Variants in UGT3A2 observed in about 807,000 individuals in gnomAD.
The protein encoded by UGT3A2 is UDP glycosyltransferase family 3 member A2.
Under a neutral mutation model 39.8 loss-of-function variants are expected in UGT3A2, and 32 were observed. The ratio of observed to expected loss-of-function variants is 0.80; its 90% CI spans 0.61 to 1.08. The LOEUF is 1.08. Among genes scored for constraint, UGT3A2 ranks in the 50% least tolerant of loss-of-function variants. The pLI is 0.00. For missense variants in UGT3A2, 611 were observed against 637.1 expected (o/e 0.96, Z 0.44); for synonymous variants, 241 against 230.7 (o/e 1.04, Z -0.40).
chr5:36,059,435 C>T (rs1032386510), intron 2 of UGT3A2, among the ~76,000 whole-genome samples: 1 of 140,460 alleles, frequency 7.1e-6, no homozygotes, highest in Non-Finnish European at 1.5e-5. Flanking sequence ...GAATTTTTTG[C>T]CCCACCTATA....
intron 2 of UGT3A2, among the ~76,000 whole-genome samples, chr5:36,055,471 A>G (rs1469564491): frequency 1.3e-5 from 2 of 152,076 alleles, no homozygotes; most frequent in Admixed American, 1.3e-4. Flanking sequence ...ACCTCAGGTG[A>G]TCCGCCTGCA....
chr5:36,035,827 A>G lies in UGT3A2; in HGVS notation c.1443T>C (p.His481=), dbSNP rs1159853137. 9.3e-6 allele frequency: 15 copies of G among 1,614,106 alleles called. No individual in the cohort carries two copies. Among genetic ancestry groups the G allele is most frequent in the Non-Finnish European group, 1.3e-5 (15 of 1,180,056 alleles). Residue 481 remains histidine (H), a synonymous_variant, in exon 7 of 7, where the codon CAT becomes CAC. Transcript: ENST00000282507. ...LKPYVFQQPW[H]EQYLLDVFVF... ...CAAAAACGTCGAGCAGGTACTGCTC[A>G]TGCCAGGGCTGCTGAAAGACATAGG...
At chr5:36,060,439 G>C (rs1742654310) in intron 2 of UGT3A2, among the ~76,000 whole-genome samples, 1 of 152,044 alleles carries the variant, frequency 6.6e-6, no homozygotes, top group Non-Finnish European at 1.5e-5. Context: ...TATTTCTTAC[G>C]ATTAGGCAAA....
intron 3 of UGT3A2, among the ~76,000 whole-genome samples, chr5:36,050,060 A>G (rs1337340063): frequency 6.6e-6 from 1 of 151,180 alleles, no homozygotes; most frequent in African/African-American, 2.4e-5. Flanking sequence ...TTTTTTCTTT[A>G]TTATTATTCC....
Position 36,037,999 on chromosome 5 carries a change from G to T in UGT3A2, c.1093C>A (p.Leu365Met). The change falls in exon 6 of 7, where the codon CTG (leucine) becomes ATG (methionine). Residue 365 changes from leucine to methionine, a missense_variant. Transcript: ENST00000282507. ...SDLLAHPSIR[L>M]FVTHGGQNSI... is the part of the protein sequence containing the mutation. ...TTCTGCCCGCCGTGGGTGACAAACA[G>T]ACGGATGCTTGGGTGAGCTGTTGTA... is the stretch of plus-strand genomic sequence containing the variant. 1 of 1,602,482 alleles carries T rather than the reference G, an allele frequency of 6.2e-7. No homozygotes were observed. The highest frequency in any genetic ancestry group is 1.3e-5 in the African/African-American group (1 of 74,462).
chr5:36,055,588 C>T lies in UGT3A2; in HGVS notation c.197-3604G>A, dbSNP rs558883299. Among the ~76,000 whole-genome samples, 305 of 152,222 alleles carry T rather than the reference C, an allele frequency of 2.0e-3. 4 individuals are homozygous for T. The highest frequency in any genetic ancestry group is 3.0e-3 in the Non-Finnish European group (201 of 67,990). ...CACCAGCTAGTGTCTAGATGTTCAC[C>T]TCATCATCCTTTTAATATGTTGCCT... On this transcript the variant is annotated intron_variant, in intron 2 of 6. Transcript: ENST00000282507.
Position 36,035,918 on chromosome 5 carries a change from G to C in UGT3A2, c.1352C>G (p.Pro451Arg). 2 of 1,614,216 alleles carry C rather than the reference G, an allele frequency of 1.2e-6. No individual in the cohort carries two copies. Among genetic ancestry groups the C allele is most frequent in the East Asian group, 2.2e-5 (1 of 44,882 alleles). The stretch of plus-strand genomic sequence containing the variant: ...AATCCAGCCCACCAGCCGCTGTGTG[G>C]GGCTGAGCGGGTGGGAGCGCAGGAT... ...SVILRSHPLS[P>R]TQRLVGWIDH... is the part of the protein sequence containing the mutation. Residue 451 changes from proline (P) to arginine (R), a missense_variant, in exon 7 of 7, where the codon CCC becomes CGC. Coordinates refer to ENST00000282507, the MANE Select transcript of UGT3A2 (RefSeq NM_174914.4).
intron 4 of UGT3A2, among the ~76,000 whole-genome samples, chr5:36,047,065 A>G (rs1479768096): frequency 6.6e-6 from 1 of 152,216 alleles, no homozygotes; most frequent in Non-Finnish European, 1.5e-5. Context: ...AGACTAAGGC[A>G]TAAGTGATTA....
intron 3 of UGT3A2, 55 bp downstream of exon 3, chr5:36,051,815 C>T (rs926407911): frequency 3.9e-6 from 5 of 1,273,892 alleles, no homozygotes; most frequent in African/African-American, 3.0e-5. Context: ...TCCATCCATC[C>T]ATTTGTATTA....
At chr5:36,063,165 A>T (rs940035402) in intron 2 of UGT3A2, among the ~76,000 whole-genome samples, 15 of 151,702 alleles carry the variant, frequency 9.9e-5, no homozygotes, top group African/African-American at 3.6e-4. Context: ...TTTCTTTTTT[A>T]AAATTATAGC....
intron 1 of UGT3A2, 105 bp from the exon 2 acceptor site, chr5:36,064,455 G>C (rs903978877): frequency 7.3e-6 from 7 of 962,274 alleles, no homozygotes; most frequent in Non-Finnish European, 1.1e-5. Flanking sequence ...GAAGTGGATA[G>C]TGATTGGAGG....
At chr5:36,038,146 T>A (rs1169099199) in intron 5 of UGT3A2, 130 bp from the exon 6 acceptor site, 3 of 937,628 alleles carry the variant, frequency 3.2e-6, no homozygotes, top group Non-Finnish European at 4.6e-6. Context: ...CTAATGACTG[T>A]GCTTGGGACA....
chr5:36,054,385 C>T (rs1336544636), intron 2 of UGT3A2, among the ~76,000 whole-genome samples: 1 of 152,176 alleles, frequency 6.6e-6, no homozygotes, highest in Non-Finnish European at 1.5e-5. Flanking sequence ...CATATACACC[C>T]CTCTTGGAAT....
chr5:36,055,006 C>T (rs1742460275), intron 2 of UGT3A2, among the ~76,000 whole-genome samples: 3 of 151,970 alleles, frequency 2.0e-5, no homozygotes, highest in South Asian at 4.2e-4. Context: ...GGCAGTACTT[C>T]TGAAGGTATA....
At chr5:36,045,278 C>T (rs1189682143) in intron 4 of UGT3A2, among the ~76,000 whole-genome samples, 4 of 152,018 alleles carry the variant, frequency 2.6e-5, no homozygotes, top group African/African-American at 9.7e-5. Context: ...TATGCATATG[C>T]AGAAGAATAA....
chr5:36,059,361 C>T (rs75258526), intron 2 of UGT3A2, among the ~76,000 whole-genome samples: 25 of 118,676 alleles, frequency 2.1e-4, no homozygotes, highest in African/African-American at 4.5e-4. Context: ...TTTCTTTTCT[C>T]TTTTTTTTTT....
At chr5:36,060,864 T>C (rs1013303748) in intron 2 of UGT3A2, among the ~76,000 whole-genome samples, 6 of 152,046 alleles carry the variant, frequency 3.9e-5, no homozygotes, top group Admixed American at 1.3e-4. Flanking sequence ...AAACGGTACA[T>C]TGGAAATGGG....
intron 4 of UGT3A2, among the ~76,000 whole-genome samples, chr5:36,044,071 T>C (rs1432536770): frequency 6.6e-6 from 1 of 152,040 alleles, no homozygotes; most frequent in African/African-American, 2.4e-5. Flanking sequence ...CTGATGAATA[T>C]TAAGGCAAAA....
intron 2 of UGT3A2, among the ~76,000 whole-genome samples, chr5:36,056,700 G>C (rs1417737953): frequency 6.6e-6 from 1 of 152,170 alleles, no homozygotes; most frequent in Non-Finnish European, 1.5e-5. Flanking sequence ...CAAGACAACA[G>C]GATACACTGC....
Sources: gnomAD v4.1 joint callset for allele counts (sites outside exome capture counted in the v4.1 genomes callset) on GRCh38, gnomAD v4.1.1 for gene constraint, MANE v1.5 for transcripts, NCBI Gene and HGNC (gene_info 2026-07-23, HGNC 2026-07-21) for gene names.